The following RLN2 variants were observed in gnomAD, a reference collection of about 807,000 sequenced individuals.
The protein encoded by RLN2 is prorelaxin H2.
A neutral mutation model predicts 7.3 loss-of-function variants in RLN2; 10 were observed. The observed-to-expected ratio is 1.36, with a 90% CI of 0.84 to 2.31. The LOEUF (loss-of-function observed/expected upper bound fraction) is 2.31, where lower values mean the gene tolerates loss of function less well. RLN2 is among the 30% of genes most tolerant of loss of function. RLN2 has a pLI of 0.00. For missense variants in RLN2, 298 were observed against 217.6 expected (o/e 1.37, Z -2.32); for synonymous variants, 103 against 82.3 (o/e 1.25, Z -1.36).
chr9:5,318,429 T>C, the RLN2 span, among the ~76,000 whole-genome samples: 1 of 151,974 alleles, frequency 6.6e-6, no homozygotes, highest in Admixed American at 6.6e-5. Context: ...AATATGTGGA[T>C]TTTTAAAAAT....
the RLN2 span, among the ~76,000 whole-genome samples, chr9:5,314,617 G>A: frequency 2.6e-5 from 4 of 151,980 alleles, no homozygotes; most frequent in Non-Finnish European, 5.9e-5. Context: ...TTGAATAATT[G>A]TAGTACCCTG....
chr9:5,319,188 T>C, the RLN2 span, among the ~76,000 whole-genome samples: 13 of 152,074 alleles, frequency 8.5e-5, no homozygotes, highest in Non-Finnish European at 1.9e-4. Flanking sequence ...AAGTGAAAGT[T>C]TCAAAGGCAA....
At position 5,304,352 on chromosome 9, in the gene RLN2, G is replaced by A; in HGVS notation, c.211+18C>T. On this transcript the variant is annotated intron_variant, in intron 1 of 1. Transcript: ENST00000381627. ...AATGGGAAGCGCGGGAAGGCCGGGA[G>A]GGGGCGGGAGCTCTCACCTGCCACT... 1 of 1,543,212 alleles carries A rather than the reference G, an allele frequency of 6.5e-7. No homozygotes were observed. Among genetic ancestry groups the A allele is most frequent in the Non-Finnish European group, 8.8e-7 (1 of 1,136,080 alleles).
At chr9:5,327,755 A>C in the RLN2 span, among the ~76,000 whole-genome samples, 2 of 152,020 alleles carry the variant, frequency 1.3e-5, no homozygotes, top group African/African-American at 4.8e-5. Flanking sequence ...TCCACTGGTG[A>C]TACCCAGGCA....
chr9:5,320,671 A>C, the RLN2 span, among the ~76,000 whole-genome samples: 6 of 152,106 alleles, frequency 3.9e-5, no homozygotes, highest in Non-Finnish European at 5.9e-5. Context: ...ATGCCCAGCC[A>C]CACAAAAATA....
the RLN2 span, among the ~76,000 whole-genome samples, chr9:5,314,262 G>A: frequency 4.9e-4 from 74 of 152,048 alleles, 2 homozygotes; most frequent in African/African-American, 1.6e-3. Context: ...CTGTTGAACC[G>A]CCCCCAAATT....
chr9:5,300,024 T>A lies in RLN2; in HGVS notation c.*74A>T. The A allele has an allele frequency of 1.1e-6, 1 of 913,268 alleles. No individual in the cohort carries two copies. Among genetic ancestry groups the A allele is most frequent in the South Asian group, 1.8e-5 (1 of 56,792 alleles). The allele number at this position is 913,268 out of a possible 1,614,324, so 56.6% of individuals were successfully genotyped here. On this transcript the variant is annotated 3_prime_UTR_variant, in exon 2 of 2. Coordinates refer to ENST00000381627, the MANE Select transcript of RLN2 (RefSeq NM_134441.3). Reference sequence around the variant, plus strand: ...AGATATTCTAAGAATTGATGGGACCTGATAGAAGCATCAGTGAAATGTCAT... The same window carrying A: ...AGATATTCTAAGAATTGATGGGACCAGATAGAAGCATCAGTGAAATGTCAT...
the RLN2 span, among the ~76,000 whole-genome samples, chr9:5,314,969 G>C: frequency 2.0e-5 from 3 of 151,850 alleles, no homozygotes; most frequent in Non-Finnish European, 4.4e-5. Flanking sequence ...ATGCCTTCCA[G>C]AGTCAAAGTC....
upstream of RLN2, among the ~76,000 whole-genome samples, chr9:5,306,946 C>A (rs886705085): frequency 3.3e-5 from 5 of 152,058 alleles, no homozygotes; most frequent in African/African-American, 1.2e-4. Flanking sequence ...GTGGAGGTTT[C>A]TGGGAAAGCC....
In RLN2 at chr9:5,300,703, T is replaced by C. The variant is rs567707764; in HGVS notation, c.212-259A>G. Among the ~76,000 whole-genome samples the C allele has an allele frequency of 2.6e-5, 4 of 152,332 alleles. No individual in the cohort carries two copies. In the South Asian group the frequency reaches 8.3e-4, roughly 32 times the overall value. ...TCTCTTCATGATCCCCTCAGTGCTT[T>C]TATCATAGTACTTTTGACTCTCCCT... is the stretch of plus-strand genomic sequence containing the variant. On this transcript the variant is annotated intron_variant, in intron 1 of 1. Coordinates refer to ENST00000381627, the MANE Select transcript of RLN2 (RefSeq NM_134441.3).
chr9:5,337,323 G>T, the RLN2 span, among the ~76,000 whole-genome samples: 1 of 152,038 alleles, frequency 6.6e-6, no homozygotes, highest in South Asian at 2.1e-4. Context: ...TTCATAGGCT[G>T]TGTGTTTTGA....
chr9:5,335,016 G>T, the RLN2 span: 1 of 390,770 alleles, frequency 2.6e-6, no homozygotes. Context: ...GCATTAAAAA[G>T]AATCAACACA....
chr9:5,320,400 C>T, the RLN2 span, among the ~76,000 whole-genome samples: 392 of 151,846 alleles, frequency 2.6e-3, 7 homozygotes, highest in African/African-American at 8.7e-3. Flanking sequence ...ACACAGGGTG[C>T]CACTCTGTCG....
chr9:5,321,587 A>T, the RLN2 span, among the ~76,000 whole-genome samples: 1 of 151,862 alleles, frequency 6.6e-6, no homozygotes. Flanking sequence ...GGAAGGAAAT[A>T]AGGCAGGAAG....
At chr9:5,305,460 A>C (rs1469565813), upstream of RLN2, among the ~76,000 whole-genome samples, 2 of 151,662 alleles carry the variant, frequency 1.3e-5, no homozygotes, top group African/African-American at 4.9e-5. Flanking sequence ...CCACAATCCC[A>C]CAAAGAATAT....
intron 1 of RLN2, among the ~76,000 whole-genome samples, chr9:5,301,096 A>T (rs1055362663): frequency 5.9e-5 from 9 of 152,226 alleles, no homozygotes; most frequent in East Asian, 1.9e-4. Flanking sequence ...GGTTAAAAGA[A>T]CACTAACCAA....
At chr9:5,308,675 A>T (rs1816295869), upstream of RLN2, among the ~76,000 whole-genome samples, 1 of 152,038 alleles carries the variant, frequency 6.6e-6, no homozygotes, top group Admixed American at 6.6e-5. Flanking sequence ...CCTAAAATTA[A>T]TCCCAACATT....
At chr9:5,312,086 G>A in the RLN2 span, among the ~76,000 whole-genome samples, 9 of 151,872 alleles carry the variant, frequency 5.9e-5, no homozygotes, top group African/African-American at 2.2e-4. Context: ...GTCACTAATA[G>A]AATGTCTCTG....
chr9:5,312,755 T>C, the RLN2 span, among the ~76,000 whole-genome samples: 1 of 151,960 alleles, frequency 6.6e-6, no homozygotes, highest in African/African-American at 2.4e-5. Flanking sequence ...CTGCATCCCG[T>C]AAGTTTTGGT....
Sources: gnomAD v4.1 joint callset for allele counts (sites outside exome capture counted in the v4.1 genomes callset) on GRCh38, gnomAD v4.1.1 for gene constraint, MANE v1.5 for transcripts, NCBI Gene and HGNC (gene_info 2026-07-23, HGNC 2026-07-21) for gene names.